RARB: variants seen among roughly 807,000 people sequenced by gnomAD.
RARB encodes HBV-activated protein.
Under a neutral mutation model 51.9 loss-of-function variants are expected in RARB, and 17 were observed. The ratio of observed to expected loss-of-function variants is 0.33; its 90% CI spans 0.22 to 0.49. RARB has a LOEUF of 0.49. RARB is among the 20% of genes least tolerant of loss of function. The pLI is 0.99. For missense variants in RARB, 369 were observed against 550.8 expected (o/e 0.67, Z 3.30); for synonymous variants, 215 against 195.4 (o/e 1.10, Z -0.84).
Position 25,597,858 on chromosome 3 carries a change from G to GCTTTCTATGTTCATAT in RARB, c.*1243_*1258dup, listed in dbSNP as rs1174465852. ...ACATTGAGATTGTTTGTTTAACAAT[G>GCTTTCTATGTTCATAT]CTTTCTATGTTCATATACTGTTTAC... On this transcript the variant is annotated 3_prime_UTR_variant, in exon 8 of 8. Coordinates refer to ENST00000330688, the MANE Select transcript of RARB (RefSeq NM_000965.5). 2 of 152,222 alleles carry GCTTTCTATGTTCATAT rather than the reference G, an allele frequency of 1.3e-5. No individual in the cohort carries two copies. The highest frequency in any genetic ancestry group is 4.9e-5 in the African/African-American group (2 of 41,234). 9.4% of individuals were successfully genotyped at this position (152,222 alleles called of 1,614,324 possible).
At chr3:25,288,436 A>G (rs576482486) in intron 5 of RARB, among the ~76,000 whole-genome samples, 15 of 152,352 alleles carry the variant, frequency 9.8e-5, no homozygotes, top group South Asian at 2.1e-4. Flanking sequence ...AAGGGGACAC[A>G]GTCAATGTGC....
intron 3 of RARB, among the ~76,000 whole-genome samples, chr3:25,527,222 C>T (rs1153597): frequency 0.54 from 82,184 of 152,024 alleles, 25,001 homozygotes; most frequent in African/African-American, 0.83. Context: ...TTGAGCAGCA[C>T]GGGCTTAGAG....
At chr3:25,180,979 A>G (rs1055172543) in intron 5 of RARB, among the ~76,000 whole-genome samples, 1 of 152,146 alleles carries the variant, frequency 6.6e-6, no homozygotes, top group Non-Finnish European at 1.5e-5. Flanking sequence ...CCAACTGGAA[A>G]AGGGAAATAG....
chr3:25,509,552 AGC>A (rs1487226829), intron 3 of RARB, among the ~76,000 whole-genome samples: 1 of 152,230 alleles, frequency 6.6e-6, no homozygotes, highest in Non-Finnish European at 1.5e-5. Context: ...AAAGTTTGCA[AGC>A]ATGGTTTCTA....
chr3:25,295,391 A>G (rs1206549879), intron 5 of RARB, among the ~76,000 whole-genome samples: 1 of 152,164 alleles, frequency 6.6e-6, no homozygotes, highest in Non-Finnish European at 1.5e-5. Flanking sequence ...ATGCAGTGAG[A>G]AGATACCATC....
chr3:25,037,866 G>A (rs1337630689), intron 2 of RARB, among the ~76,000 whole-genome samples: 1 of 152,146 alleles, frequency 6.6e-6, no homozygotes, highest in Non-Finnish European at 1.5e-5. Flanking sequence ...AGACTTCCAG[G>A]AAAGATGGAA....
intron 1 of RARB, among the ~76,000 whole-genome samples, chr3:24,848,094 C>T (rs893145312): frequency 6.6e-6 from 1 of 152,202 alleles, no homozygotes; most frequent in African/African-American, 2.4e-5. Context: ...CGGTCTTGTT[C>T]TGTGGCCCAG....
At chr3:25,469,610 T>C (rs1695595717) in intron 2 of RARB, among the ~76,000 whole-genome samples, 1 of 152,262 alleles carries the variant, frequency 6.6e-6, no homozygotes, top group Non-Finnish European at 1.5e-5. Flanking sequence ...TCCCTGTTGC[T>C]ATAATCTGCC....
At chr3:24,902,786 T>G (rs1703636089) in intron 2 of RARB, among the ~76,000 whole-genome samples, 1 of 152,206 alleles carries the variant, frequency 6.6e-6, no homozygotes, top group Non-Finnish European at 1.5e-5. Context: ...CTAATTTGGC[T>G]GGTTTGACAA....
intron 3 of RARB, among the ~76,000 whole-genome samples, chr3:25,107,696 A>G (rs1699532559): frequency 6.6e-6 from 1 of 152,336 alleles, no homozygotes; most frequent in African/African-American, 2.4e-5. Context: ...GTAAGAGATT[A>G]ACAGCAATAA....
chr3:24,901,611 T>C (rs1004932038), intron 2 of RARB, among the ~76,000 whole-genome samples: 8 of 152,182 alleles, frequency 5.3e-5, no homozygotes, highest in Non-Finnish European at 8.8e-5. Flanking sequence ...CTTAAAAACA[T>C]ATAAAAATAC....
At chr3:25,152,783 T>C (rs986289847) in intron 4 of RARB, among the ~76,000 whole-genome samples, 1 of 152,188 alleles carries the variant, frequency 6.6e-6, no homozygotes, top group East Asian at 1.9e-4. Context: ...TGGGAGTGTA[T>C]TAAAATCATT....
In RARB at chr3:25,463,430, C is replaced by G. The variant is rs1189843332; in HGVS notation, c.306+2089C>G. On this transcript the variant is annotated intron_variant, in intron 2 of 7. Coordinates refer to ENST00000330688, the MANE Select transcript of RARB (RefSeq NM_000965.5). ...CTGTAATCCCAGCACTTTGGGAGGT[C>G]AAGGCAGGCAGATCACGAAGTCAAG... Among the ~76,000 whole-genome samples the G allele has an allele frequency of 3.3e-5, 5 of 152,134 alleles. No homozygotes were observed. In the East Asian group the frequency reaches 9.7e-4, roughly 30 times the overall value.
intron 5 of RARB, among the ~76,000 whole-genome samples, chr3:25,229,676 A>C (rs1249798460): frequency 6.6e-6 from 1 of 151,310 alleles, no homozygotes; most frequent in Non-Finnish European, 1.5e-5. Context: ...TCTTTAATGC[A>C]ACAGACATCT....
chr3:25,368,398 T>A (rs1257552680), intron 5 of RARB, among the ~76,000 whole-genome samples: 6 of 152,158 alleles, frequency 3.9e-5, no homozygotes, highest in African/African-American at 7.2e-5. Flanking sequence ...GGAGAAAAAC[T>A]TAGTATTTCT....
At chr3:25,016,725 T>C (rs930963678) in intron 2 of RARB, among the ~76,000 whole-genome samples, 32 of 152,094 alleles carry the variant, frequency 2.1e-4, no homozygotes, top group African/African-American at 7.7e-4. Context: ...GCATTTCTTT[T>C]TTCCCCCCAG....
chr3:25,594,684 T>G lies in RARB; in HGVS notation c.1150+6T>G, dbSNP rs1276553546. 2 of 1,606,140 alleles carry G rather than the reference T, an allele frequency of 1.2e-6. No homozygotes were observed. Among genetic ancestry groups the G allele is most frequent in the South Asian group, 1.1e-5 (1 of 89,614 alleles). ...CCGTAGCATCAGTGCTAAAGGTATG[T>G]CTTCGTGCTCTCAGTACTGTAGTCA... On this transcript the variant is annotated splice_donor_region_variant and intron_variant, in intron 7 of 7. Transcript: ENST00000330688.
chr3:24,969,966 C>T (rs193120487), intron 2 of RARB, among the ~76,000 whole-genome samples: 37 of 152,098 alleles, frequency 2.4e-4, no homozygotes, highest in Admixed American at 4.6e-4. Flanking sequence ...CTATATACCA[C>T]GACCGAATTT....
chr3:24,876,484 A>G (rs1383389646), intron 2 of RARB, among the ~76,000 whole-genome samples: 1 of 152,156 alleles, frequency 6.6e-6, no homozygotes, highest in East Asian at 1.9e-4. Flanking sequence ...AAAAAGAATC[A>G]GGTAGCTCAG....
Sources: allele counts gnomAD v4.1 joint callset (sites outside exome capture counted in the v4.1 genomes callset), GRCh38; gene constraint gnomAD v4.1.1; transcripts MANE v1.5; gene names NCBI Gene and HGNC (gene_info 2026-07-23, HGNC 2026-07-21).